The following DDR2 variants were observed in gnomAD, a reference collection of about 807,000 sequenced individuals.
The protein encoded by DDR2 is discoidin domain receptor tyrosine kinase 2, also known as discoidin domain-containing receptor 2.
A neutral mutation model predicts 94.9 loss-of-function variants in DDR2; 27 were observed. That is an observed-to-expected ratio of 0.28 (90% CI 0.21 to 0.39). The LOEUF is 0.39. DDR2 is among the 10% of genes least tolerant of loss of function. The probability of loss-of-function intolerance (pLI) is 1.00; values close to 1 mark genes in which losing one functional copy is unlikely to be tolerated. For synonymous variants in DDR2, 382 were observed against 377.2 expected (o/e 1.01, Z -0.15); for missense variants, 783 against 1,076.0 (o/e 0.73, Z 3.81).
intron 2 of DDR2, among the ~76,000 whole-genome samples, chr1:162,716,111 G>A (rs949148548): frequency 6.6e-6 from 1 of 152,138 alleles, no homozygotes; most frequent in Non-Finnish European, 1.5e-5. Flanking sequence ...TGTTGTGAAG[G>A]ATCCAGTAGA....
chr1:162,708,433 G>A (rs74349369), intron 2 of DDR2, among the ~76,000 whole-genome samples: 4,097 of 152,296 alleles, frequency 0.027, 79 homozygotes, highest in Non-Finnish European at 0.041. Flanking sequence ...AGCCATAACC[G>A]CAAGAGTAGG....
chr1:162,751,728 C>G (rs1217699116), intron 3 of DDR2, among the ~76,000 whole-genome samples: 1 of 152,106 alleles, frequency 6.6e-6, no homozygotes, highest in Non-Finnish European at 1.5e-5. Context: ...TTCACAATAG[C>G]AAAGACTTGG....
chr1:162,640,874 C>T (rs1475189552), intron 1 of DDR2, among the ~76,000 whole-genome samples: 1 of 152,120 alleles, frequency 6.6e-6, no homozygotes, highest in Non-Finnish European at 1.5e-5. Flanking sequence ...CCTTCCACCT[C>T]AGCCCCTCGA....
rs140438074 is a variant in DDR2, at chr1:162,647,013, A to G, written c.-191-8198A>G. The stretch of plus-strand genomic sequence containing the variant: ...GTCAAATAAGTAAAAGAATGAATGA[A>G]GGGGCAATTGTCAAGAAAGATGTGT... On this transcript the variant is annotated intron_variant, in intron 1 of 17. Coordinates refer to ENST00000367921, the MANE Select transcript of DDR2 (RefSeq NM_006182.4). 7.6e-4 allele frequency among the ~76,000 whole-genome samples: 116 copies of G among 152,332 alleles called. 2 individuals are homozygous for G. The East Asian group carries it at 0.019, about 24-fold the overall frequency.
At chr1:162,711,834 G>A (rs1207125026) in intron 2 of DDR2, among the ~76,000 whole-genome samples, 1 of 151,654 alleles carries the variant, frequency 6.6e-6, no homozygotes, top group Non-Finnish European at 1.5e-5. Context: ...ACACACACAT[G>A]CACACATGTA....
intron 3 of DDR2, among the ~76,000 whole-genome samples, chr1:162,742,919 A>G (rs887839565): frequency 6.6e-6 from 1 of 152,148 alleles, no homozygotes; most frequent in Admixed American, 6.5e-5. Context: ...ATTCACTATT[A>G]CAAGGATAGC....
intron 3 of DDR2, among the ~76,000 whole-genome samples, chr1:162,731,084 A>G (rs912870163): frequency 6.6e-5 from 10 of 152,216 alleles, no homozygotes; most frequent in African/African-American, 2.4e-4. Flanking sequence ...TCCTTCAAGT[A>G]GATGATTTAT....
intron 16 of DDR2, among the ~76,000 whole-genome samples, chr1:162,777,076 A>C (rs1195565039): frequency 3.3e-5 from 5 of 152,114 alleles, no homozygotes; most frequent in Non-Finnish European, 7.4e-5. Context: ...TTGTTCATTT[A>C]TGATTAATCT....
chr1:162,722,021 T>C (rs1260580267), intron 3 of DDR2, among the ~76,000 whole-genome samples: 1 of 152,232 alleles, frequency 6.6e-6, no homozygotes. Context: ...AAACATGATA[T>C]GATATGAAAT....
intron 2 of DDR2, among the ~76,000 whole-genome samples, chr1:162,656,529 C>T (rs1395930102): frequency 6.6e-6 from 1 of 152,008 alleles, no homozygotes. Context: ...TTTCCTTCTT[C>T]CCACAGATTG....
intron 2 of DDR2, among the ~76,000 whole-genome samples, chr1:162,693,316 A>G (rs1013670089): frequency 6.6e-6 from 1 of 152,216 alleles, no homozygotes; most frequent in Non-Finnish European, 1.5e-5. Flanking sequence ...TGTATATCTT[A>G]CATTTTTATT....
intron 2 of DDR2, among the ~76,000 whole-genome samples, chr1:162,665,377 T>A (rs1302319707): frequency 6.6e-6 from 1 of 152,148 alleles, no homozygotes; most frequent in East Asian, 1.9e-4. Context: ...TACAGCTGAG[T>A]GAACCTTGTT....
intron 3 of DDR2, among the ~76,000 whole-genome samples, chr1:162,737,361 A>G (rs1381000338): frequency 8.6e-6 from 1 of 115,914 alleles, no homozygotes; most frequent in Non-Finnish European, 1.7e-5. Flanking sequence ...TCCTGTGTCC[A>G]TGTGATCTCA....
intron 2 of DDR2, among the ~76,000 whole-genome samples, chr1:162,683,877 TAGAA>T (rs764575241): frequency 6.6e-5 from 10 of 152,184 alleles, no homozygotes; most frequent in Non-Finnish European, 1.0e-4. Context: ...TTAAAATAGA[TAGAA>T]AGAGGATTAT....
intron 1 of DDR2, among the ~76,000 whole-genome samples, chr1:162,643,303 T>C (rs1287965353): frequency 2.0e-5 from 3 of 152,130 alleles, no homozygotes; most frequent in Admixed American, 1.3e-4. Context: ...CATTTTTCAA[T>C]GGATTGAGTT....
chr1:162,764,328 A>G (rs1663887488), intron 9 of DDR2, among the ~76,000 whole-genome samples: 1 of 151,710 alleles, frequency 6.6e-6, no homozygotes, highest in African/African-American at 2.4e-5. Flanking sequence ...AAAAGTTAAA[A>G]GGTGTTTAGA....
intron 2 of DDR2, among the ~76,000 whole-genome samples, chr1:162,703,599 G>A: frequency 6.6e-6 from 1 of 152,170 alleles, no homozygotes; most frequent in Non-Finnish European, 1.5e-5. Flanking sequence ...TACTATAGGT[G>A]AATTCATGAA....
At chr1:162,670,528 A>G (rs1658781232) in intron 2 of DDR2, among the ~76,000 whole-genome samples, 1 of 152,240 alleles carries the variant, frequency 6.6e-6, no homozygotes, top group Non-Finnish European at 1.5e-5. Context: ...ACTTCTTCAC[A>G]GCAACACCTA....
At chr1:162,651,361 A>G (rs1306854428) in intron 1 of DDR2, among the ~76,000 whole-genome samples, 1 of 152,144 alleles carries the variant, frequency 6.6e-6, no homozygotes, top group Non-Finnish European at 1.5e-5. Flanking sequence ...TGCCCATTCA[A>G]ATTGTTCCCT....
Sources: gnomAD v4.1 joint callset for allele counts (sites outside exome capture counted in the v4.1 genomes callset) on GRCh38, gnomAD v4.1.1 for gene constraint, MANE v1.5 for transcripts, NCBI Gene and HGNC (gene_info 2026-07-23, HGNC 2026-07-21) for gene names.